Variants in IL1R2 observed in about 807,000 individuals in gnomAD.
IL1R2 encodes interleukin-1 receptor type 2.
A neutral mutation model predicts 39.5 loss-of-function variants in IL1R2; 46 were observed. The ratio of observed to expected loss-of-function variants is 1.16; its 90% confidence interval spans 0.92 to 1.49. IL1R2 has a LOEUF of 1.49. Ranked by LOEUF, IL1R2 falls within the 40% of genes most tolerant of loss-of-function variation. The pLI, the probability that IL1R2 is intolerant of heterozygous loss-of-function variation, is 0.00. For synonymous variants in IL1R2, 207 were observed against 189.6 expected (o/e 1.09, Z -0.75); for missense variants, 537 against 502.0 (o/e 1.07, Z -0.67).
chr2:102,024,170 G>A (rs1367496911), intron 6 of IL1R2, among the ~76,000 whole-genome samples: 3 of 152,172 alleles, frequency 2.0e-5, no homozygotes, highest in African/African-American at 7.2e-5. Context: ...CCAGCCTCAG[G>A]CAAAGAGAAA....
At chr2:102,003,864 G>T (rs1431830634) in intron 1 of IL1R2, among the ~76,000 whole-genome samples, 1 of 146,072 alleles carries the variant, frequency 6.8e-6, no homozygotes, top group Admixed American at 6.8e-5. Flanking sequence ...TGTGTCTGTG[G>T]CTGTGTCTGT....
Position 102,019,627 on chromosome 2 carries a change from T to C in IL1R2, c.514-11T>C, listed in dbSNP as rs1453160646. The C allele has an allele frequency of 3.8e-6, 6 of 1,597,866 alleles. No homozygotes were observed. In the South Asian group the frequency reaches 6.7e-5, roughly 18 times the overall value. ...GTATAATGTCAACTTAAAAAAACAT[T>C]TTCCCTTAAGGATTCTCTTCTTTTG... On this transcript the variant is annotated splice_polypyrimidine_tract_variant and intron_variant, in intron 4 of 8. Coordinates refer to ENST00000332549, the MANE Select transcript of IL1R2 (RefSeq NM_004633.4).
intron 1 of IL1R2, 126 bp downstream of exon 1, chr2:101,992,137 G>C (rs986132967): frequency 2.0e-5 from 3 of 152,286 alleles, no homozygotes; most frequent in Non-Finnish European, 2.9e-5. Flanking sequence ...GAAAGGCAAA[G>C]AGAGGCAGAG....
At chr2:101,992,169 G>A (rs918586104) in intron 1 of IL1R2, 158 bp downstream of exon 1, 1 of 152,082 alleles carries the variant, frequency 6.6e-6, no homozygotes, top group African/African-American at 2.4e-5. Flanking sequence ...GGGGAAGGCA[G>A]AGAGAAGAGA....
intron 7 of IL1R2, 49 bp from the exon 8 acceptor site, chr2:102,026,062 A>G (rs748621887): frequency 3.5e-6 from 5 of 1,443,260 alleles, no homozygotes; most frequent in South Asian, 2.5e-5. Context: ...GTGAAAGACA[A>G]GCTTGCATTC....
chr2:102,000,061 C>T (rs535446236), intron 1 of IL1R2, among the ~76,000 whole-genome samples: 30 of 152,268 alleles, frequency 2.0e-4, no homozygotes, highest in East Asian at 1.2e-3. Context: ...GTGGAATGGT[C>T]GCTTAGCAGG....
At chr2:102,009,957 G>T in intron 3 of IL1R2, 131 bp downstream of exon 3, 5 of 1,084,664 alleles carry the variant, frequency 4.6e-6, no homozygotes, top group Non-Finnish European at 6.6e-6. Flanking sequence ...ATTGCATCCC[G>T]TTTGCTGTTC....
chr2:102,005,628 A>T (rs1429081621), intron 1 of IL1R2, among the ~76,000 whole-genome samples: 3 of 152,232 alleles, frequency 2.0e-5, no homozygotes, highest in Non-Finnish European at 4.4e-5. Flanking sequence ...CACACTGAGC[A>T]GCAGGAAGGA....
intron 3 of IL1R2, among the ~76,000 whole-genome samples, chr2:102,015,602 A>T (rs2282745): frequency 0.12 from 18,095 of 152,228 alleles, 1,252 homozygotes; most frequent in East Asian, 0.29. Context: ...ATCTAACACA[A>T]AACGTATTTT....
At position 102,024,521 on chromosome 2, in the gene IL1R2, T is replaced by C. The variant is rs1354333013; in HGVS notation, c.752-12T>C. The stretch of plus-strand genomic sequence containing the variant: ...GTTCTGCAGTTGACGTGCTGTGCCT[T>C]GCCATCCACAGGGTCAAGACTGACA... On this transcript the variant is annotated splice_polypyrimidine_tract_variant and intron_variant, in intron 6 of 8. Coordinates refer to ENST00000332549, the MANE Select transcript of IL1R2 (RefSeq NM_004633.4). 5 of 1,603,696 alleles carry C rather than the reference T, an allele frequency of 3.1e-6. No individual in the cohort carries two copies. Among genetic ancestry groups the C allele is most frequent in the Non-Finnish European group, 3.4e-6 (4 of 1,170,614 alleles).
intron 5 of IL1R2, 111 bp downstream of exon 5, chr2:102,019,923 C>G: frequency 1.2e-6 from 1 of 863,140 alleles, no homozygotes. Context: ...TGAAGGATAA[C>G]GGAAAACAGA....
chr2:102,008,684 G>A (rs1676420029), intron 2 of IL1R2, 42 bp downstream of exon 2: 1 of 1,511,652 alleles, frequency 6.6e-7, no homozygotes, highest in Admixed American at 1.7e-5. Context: ...CTTGCCTGTA[G>A]CTTCGCTGGG....
chr2:102,022,639 G>C (rs554456530), intron 6 of IL1R2, among the ~76,000 whole-genome samples: 4 of 152,138 alleles, frequency 2.6e-5, no homozygotes, highest in Non-Finnish European at 5.9e-5. Context: ...CTTGGCTGGC[G>C]CTCTGCCTCT....
chr2:102,008,298 C>T (rs913477373), intron 1 of IL1R2, among the ~76,000 whole-genome samples: 6 of 152,246 alleles, frequency 3.9e-5, no homozygotes, highest in African/African-American at 7.2e-5. Flanking sequence ...CTGCCAAGCA[C>T]GCCTCTAGGT....
chr2:101,992,665 A>G (rs917098596), intron 1 of IL1R2, among the ~76,000 whole-genome samples: 2 of 152,116 alleles, frequency 1.3e-5, no homozygotes, highest in Non-Finnish European at 2.9e-5. Context: ...GGGGAGAGAC[A>G]GAGAAAGGCA....
chr2:102,015,722 T>C (rs757860907), intron 3 of IL1R2, 149 bp from the exon 4 acceptor site: 4 of 643,272 alleles, frequency 6.2e-6, no homozygotes, highest in East Asian at 2.7e-5. Context: ...AAATCCTAAG[T>C]TGAACCATCT....
chr2:102,017,540 G>C (rs941653673), intron 4 of IL1R2, among the ~76,000 whole-genome samples: 3 of 152,150 alleles, frequency 2.0e-5, no homozygotes, highest in Admixed American at 6.5e-5. Context: ...ATTGTCATTA[G>C]ATATTGCTTA....
At chr2:102,013,552 AGG>A (rs1412562525) in intron 3 of IL1R2, among the ~76,000 whole-genome samples, 1,111 of 88,734 alleles carry the variant, frequency 0.013, no homozygotes, top group East Asian at 0.025. Flanking sequence ...AAAAAAAAAA[AGG>A]AAAGAAAGAA....
chr2:102,021,706 C>T (rs1006108291), intron 5 of IL1R2, among the ~76,000 whole-genome samples: 1 of 152,210 alleles, frequency 6.6e-6, no homozygotes, highest in Non-Finnish European at 1.5e-5. Flanking sequence ...CCTCTGTGGC[C>T]GAGGCCAGGT....
Sources: gnomAD v4.1 joint callset for allele counts (sites outside exome capture counted in the v4.1 genomes callset) on GRCh38, gnomAD v4.1.1 for gene constraint, MANE v1.5 for transcripts, NCBI Gene and HGNC (gene_info 2026-07-23, HGNC 2026-07-21) for gene names.